PCNX1: variants seen among roughly 807,000 people sequenced by gnomAD.
PCNX1 encodes pecanex 1.
A neutral mutation model predicts 242.2 loss-of-function variants in PCNX1; 78 were observed. The ratio of observed to expected loss-of-function variants is 0.32; its 90% CI spans 0.27 to 0.39. The LOEUF (loss-of-function observed/expected upper bound fraction) is 0.39. Ranked by LOEUF, PCNX1 falls within the 10% of genes least tolerant of loss-of-function variation. The pLI, the probability that PCNX1 is intolerant of heterozygous loss-of-function variation, is 1.00. For missense variants in PCNX1, 2,581 were observed against 2,856.5 expected, an observed-to-expected ratio of 0.90 and a Z score of 2.20; for synonymous variants, 1,024 against 1,032.9, an observed-to-expected ratio of 0.99 and a Z score of 0.17.
chr14:70,981,881 C>G (rs955049179), intron 6 of PCNX1, among the ~76,000 whole-genome samples: 1 of 151,954 alleles, frequency 6.6e-6, no homozygotes, highest in Admixed American at 6.6e-5. Context: ...AAAGAATAGC[C>G]CGAGTGGAGA....
rs545528327 is a variant in PCNX1 at position 71,073,222 on chromosome 14, C to G, written c.4853-323C>G. On this transcript the variant is annotated intron_variant, in intron 26 of 35. Transcript: ENST00000304743. Reference sequence around the variant, plus strand: ...GCAGGAAATTACTTGAACCGGGACCCAGGAGGCAGAGGTTGCAGTGGGCTG... The same window carrying G: ...GCAGGAAATTACTTGAACCGGGACCGAGGAGGCAGAGGTTGCAGTGGGCTG... Among the ~76,000 whole-genome samples the G allele has an allele frequency of 1.6e-4, 24 of 152,306 alleles. No homozygotes were observed. In the East Asian group the frequency reaches 4.1e-3, roughly 26 times the overall value.
At position 70,977,023 on chromosome 14, in the gene PCNX1, G is replaced by A; in HGVS notation, c.686G>A (p.Gly229Glu). 6.2e-7 allele frequency: 1 copy of A among 1,614,042 alleles called. No homozygotes were observed. Among genetic ancestry groups the A allele is most frequent in the East Asian group, 2.2e-5 (1 of 44,876 alleles). Residue 229 changes from glycine to glutamate, a missense_variant, in exon 6 of 36, where the codon GGA becomes GAA. Coordinates refer to ENST00000304743, the MANE Select transcript of PCNX1 (RefSeq NM_014982.3). ...ISIQPSLSSC[G>E]QDLPRDFSDK... is the part of the protein sequence containing the mutation. ...ATTCAGCCTTCCTTATCCTCTTGTG[G>A]ACAGGACTTGCCAAGGGACTTCAGT...
intron 30 of PCNX1, among the ~76,000 whole-genome samples, chr14:71,098,560 G>A (rs2062371743): frequency 6.6e-6 from 1 of 150,878 alleles, no homozygotes; most frequent in South Asian, 2.1e-4. Context: ...GTGTGAGAGA[G>A]AGAGAGAGAA....
intron 8 of PCNX1, among the ~76,000 whole-genome samples, chr14:71,004,016 A>G (rs1250267609): frequency 3.9e-5 from 6 of 152,238 alleles, no homozygotes; most frequent in African/African-American, 1.4e-4. Flanking sequence ...TTGGAGCCTA[A>G]GATTCTTGGT....
chr14:71,049,009 A>G (rs1381581462), intron 22 of PCNX1: 7 of 951,540 alleles, frequency 7.4e-6, no homozygotes, highest in African/African-American at 1.8e-5. Context: ...TTATTAACCA[A>G]AGGAGGAAGC....
At chr14:71,046,492 C>T (rs1382796159) in intron 20 of PCNX1, among the ~76,000 whole-genome samples, 1 of 151,792 alleles carries the variant, frequency 6.6e-6, no homozygotes, top group Non-Finnish European at 1.5e-5. Flanking sequence ...ATGCTATTTT[C>T]AGATAGCCAA....
intron 11 of PCNX1, among the ~76,000 whole-genome samples, chr14:71,015,801 A>C (rs890011547): frequency 6.6e-6 from 1 of 152,352 alleles, no homozygotes. Context: ...TAGGAAACAC[A>C]TGACAAGATG....
chr14:71,069,183 A>G (rs1192654754), intron 26 of PCNX1, among the ~76,000 whole-genome samples: 1 of 152,152 alleles, frequency 6.6e-6, no homozygotes, highest in Non-Finnish European at 1.5e-5. Context: ...GTATGTGGGA[A>G]CTGCCCCCAT....
In PCNX1 at chr14:71,028,861, A is replaced by G. The variant is rs369218758; in HGVS notation, c.3558+70A>G. 6.1e-4 allele frequency: 518 copies of G among 856,096 alleles called. 5 individuals are homozygous for G. The South Asian group carries it at 8.9e-3, about 15-fold the overall frequency. 53.0% of individuals were successfully genotyped at this position (856,096 alleles called of 1,614,324 possible). On this transcript the variant is annotated intron_variant, in intron 16 of 35. Transcript: ENST00000304743. ...CTATATGAAGGTTGTTTTAAAATCA[A>G]CTAATAATGATTTCTTCCCCTGGTA...
At chr14:70,994,615 A>G (rs1194888964) in intron 7 of PCNX1, among the ~76,000 whole-genome samples, 1 of 151,470 alleles carries the variant, frequency 6.6e-6, no homozygotes, top group Non-Finnish European at 1.5e-5. Context: ...TATTCATTCT[A>G]GAGGTCTAAT....
chr14:71,074,818 G>A lies in PCNX1; in HGVS notation c.5106+1020G>A, dbSNP rs111613429. 7.6e-3 allele frequency among the ~76,000 whole-genome samples: 1,158 copies of A among 152,164 alleles called. 8 individuals are homozygous for A. The highest frequency in any genetic ancestry group is 0.014 in the Middle Eastern group (4 of 294). ...AAGGCCAAACCCCTCGTTGGGCAAG[G>A]TTAATCCTTTACTGCACAAGATACT... On this transcript the variant is annotated intron_variant, in intron 27 of 35. Transcript: ENST00000304743.
In PCNX1 at chr14:70,908,016, G is replaced by T; in HGVS notation, c.153+13G>T. The T allele has an allele frequency of 6.4e-7, 1 of 1,562,898 alleles. No homozygotes were observed. Among genetic ancestry groups the T allele is most frequent in the African/African-American group, 1.4e-5 (1 of 71,658 alleles). Reference sequence around the variant, plus strand: ...CACCCTCTACATGGTGAGTGTGGGGGCGGGGAGCGGGTGGCTCCTTCCCCG... The same window carrying T: ...CACCCTCTACATGGTGAGTGTGGGGTCGGGGAGCGGGTGGCTCCTTCCCCG... On this transcript the variant is annotated intron_variant, in intron 1 of 35. Coordinates refer to ENST00000304743, the MANE Select transcript of PCNX1 (RefSeq NM_014982.3).
At chr14:71,093,513 G>A (rs1349890147) in intron 30 of PCNX1, 1 of 152,228 alleles carries the variant, frequency 6.6e-6, no homozygotes, top group East Asian at 1.9e-4. Flanking sequence ...CAGTCTGGCA[G>A]AGTGATTGGG....
chr14:71,013,763 T>C (rs1387009006), intron 11 of PCNX1, among the ~76,000 whole-genome samples: 1 of 152,148 alleles, frequency 6.6e-6, no homozygotes, highest in Non-Finnish European at 1.5e-5. Context: ...ACAAATAACA[T>C]GAGCCCTCCA....
chr14:71,013,579 C>T, intron 11 of PCNX1, among the ~76,000 whole-genome samples: 2 of 123,302 alleles, frequency 1.6e-5, no homozygotes, highest in Admixed American at 7.9e-5. Flanking sequence ...ACACTACTCT[C>T]TTAATGGCAA....
intron 22 of PCNX1, chr14:71,049,052 C>T: frequency 1.1e-6 from 1 of 949,422 alleles, no homozygotes; most frequent in Non-Finnish European, 1.3e-6. Context: ...TATAAAGAAG[C>T]ATGTGGTTTC....
intron 19 of PCNX1, among the ~76,000 whole-genome samples, chr14:71,043,741 T>C (rs1038335475): frequency 6.6e-6 from 1 of 152,216 alleles, no homozygotes; most frequent in Non-Finnish European, 1.5e-5. Context: ...TCCTCATTTC[T>C]TTGTATTATT....
At chr14:70,944,490 G>C (rs1364185577) in intron 1 of PCNX1, among the ~76,000 whole-genome samples, 5 of 152,206 alleles carry the variant, frequency 3.3e-5, no homozygotes, top group Non-Finnish European at 7.3e-5. Flanking sequence ...TTGTACCTAG[G>C]AAGTAACTAA....
rs551159828 is a variant in PCNX1, at chr14:71,061,912, CAGCT to C, written c.4852+4191_4852+4194del. 1.5e-4 allele frequency among the ~76,000 whole-genome samples: 23 copies of C among 152,140 alleles called. No homozygotes were observed. The East Asian group carries it at 3.9e-3, about 26-fold the overall frequency. On this transcript the variant is annotated intron_variant, in intron 26 of 35. Coordinates refer to ENST00000304743, the MANE Select transcript of PCNX1 (RefSeq NM_014982.3). ...GAAGAACAGGCCAGAGAAAGGGAAA[CAGCT>C]AGAGAAGAAAAAGAAGAAACCCCAA...
Sources: gnomAD v4.1 joint callset for allele counts (sites outside exome capture counted in the v4.1 genomes callset) on GRCh38, gnomAD v4.1.1 for gene constraint, MANE v1.5 for transcripts, NCBI Gene and HGNC (gene_info 2026-07-23, HGNC 2026-07-21) for gene names.